GGT1: variants seen among roughly 807,000 people sequenced by gnomAD.
The protein encoded by GGT1 is glutathione hydrolase 1 proenzyme.
In GGT1, 21 loss-of-function variants were observed where a neutral mutation model predicts 56.0. The ratio of observed to expected loss-of-function variants is 0.38; its 90% CI spans 0.27 to 0.54. The LOEUF is 0.54. Ranked by LOEUF, GGT1 falls within the 20% of genes least tolerant of loss-of-function variation. The pLI is 0.82. For synonymous variants in GGT1, 238 were observed against 342.6 expected (o/e 0.69, Z 3.37); for missense variants, 466 against 787.0 (o/e 0.59, Z 4.88).
chr22:24,591,449 C>T (rs1191120396), upstream of GGT1, among the ~76,000 whole-genome samples: 1 of 152,208 alleles, frequency 6.6e-6, no homozygotes. Flanking sequence ...CTCTAGACCC[C>T]ATGTGGGCCT....
At chr22:24,590,342 G>C (rs1174841143), upstream of GGT1, among the ~76,000 whole-genome samples, 1 of 152,190 alleles carries the variant, frequency 6.6e-6, no homozygotes, top group African/African-American at 2.4e-5. Context: ...ATGTTGCCCA[G>C]ACTGGTCTCA....
upstream of GGT1, chr22:24,593,129 C>G: frequency 3.0e-6 from 3 of 1,005,840 alleles, no homozygotes; most frequent in Non-Finnish European, 3.6e-6. Context: ...CGCCTCCAAT[C>G]ACCGCGGCCC....
intron 1 of GGT1, chr22:24,607,627 C>G (rs1601664493): frequency 6.3e-6 from 1 of 159,792 alleles, no homozygotes; most frequent in Non-Finnish European, 1.4e-5. Flanking sequence ...ATCCTCCCAG[C>G]CAGGCTGGAC....
At chr22:24,626,462 C>A (rs2047775250) in intron 11 of GGT1, among the ~76,000 whole-genome samples, 1 of 145,590 alleles carries the variant, frequency 6.9e-6, no homozygotes, top group Admixed American at 6.9e-5. Context: ...CCATGTTCAT[C>A]TCTCAGCCCG....
upstream of GGT1, among the ~76,000 whole-genome samples, chr22:24,598,387 C>G (rs956318547): frequency 1.4e-5 from 2 of 145,626 alleles, no homozygotes; most frequent in African/African-American, 5.3e-5. Flanking sequence ...TTGCAGTGAG[C>G]CAAGATCACA....
the GGT1 span, chr22:24,585,821 A>G: frequency 2.0e-5 from 28 of 1,428,064 alleles, no homozygotes; most frequent in Non-Finnish European, 2.5e-5. Flanking sequence ...CTTGACCTTC[A>G]TCGCCCACTA....
In GGT1 at chr22:24,597,495, C is replaced by CA. The variant is rs1422764215; in HGVS notation, c.-324+2613dup. ...TTTGAGACCAGCCTGGCCAACATAG[C>CA]AAAACCCCATCTTCACTAAAAAATA... On this transcript the variant is annotated intron_variant, in intron 1 of 6. Transcript: ENST00000411974. Among the ~76,000 whole-genome samples, 6 of 152,126 alleles carry CA rather than the reference C, an allele frequency of 3.9e-5. No homozygotes were observed. In the East Asian group the frequency reaches 1.2e-3, roughly 29 times the overall value.
At chr22:24,615,678 G>C (rs1300939871) in intron 7 of GGT1, among the ~76,000 whole-genome samples, 1 of 152,158 alleles carries the variant, frequency 6.6e-6, no homozygotes, top group Non-Finnish European at 1.5e-5. Context: ...TAGAATGTGA[G>C]GTGGAGTCTC....
At chr22:24,615,153 G>C (rs147321651) in intron 7 of GGT1, 26 bp downstream of exon 7, 1 of 1,557,396 alleles carries the variant, frequency 6.4e-7, no homozygotes, top group African/African-American at 1.4e-5. Flanking sequence ...GACTTGGGGC[G>C]TGGGTGCAGA....
upstream of GGT1, among the ~76,000 whole-genome samples, chr22:24,592,007 C>T (rs1039724507): frequency 6.6e-6 from 1 of 152,228 alleles, no homozygotes; most frequent in Non-Finnish European, 1.5e-5. Flanking sequence ...GTGACCACTT[C>T]GCTCCATGCC....
intron 9 of GGT1, among the ~76,000 whole-genome samples, chr22:24,621,964 C>T (rs1359957055): frequency 1.3e-5 from 2 of 150,404 alleles, no homozygotes; most frequent in African/African-American, 4.9e-5. Flanking sequence ...CCAGGAGAAT[C>T]GCTAGAACCT....
At chr22:24,592,742 A>AG (rs1262176572), upstream of GGT1, 1 of 1,288,380 alleles carries the variant, frequency 7.8e-7, no homozygotes, top group Non-Finnish European at 9.9e-7. Context: ...GCCAGAGACC[A>AG]GCTCCGCCTC....
the GGT1 span, among the ~76,000 whole-genome samples, chr22:24,587,312 G>A: frequency 6.6e-6 from 1 of 152,188 alleles, no homozygotes; most frequent in East Asian, 1.9e-4. Context: ...TTCTCAGTTA[G>A]AAGGGAAGTT....
chr22:24,590,593 G>C (rs560966567), upstream of GGT1, among the ~76,000 whole-genome samples: 1 of 152,134 alleles, frequency 6.6e-6, no homozygotes, highest in Admixed American at 6.5e-5. Flanking sequence ...ATGGTGGGGG[G>C]GTTTGCTCTT....
chr22:24,593,820 G>A (rs1232755226), upstream of GGT1, among the ~76,000 whole-genome samples: 1 of 151,922 alleles, frequency 6.6e-6, no homozygotes, highest in African/African-American at 2.4e-5. Flanking sequence ...AGAAATCTCT[G>A]CAGCTGGCAG....
upstream of GGT1, among the ~76,000 whole-genome samples, chr22:24,591,572 GA>G (rs1482605623): frequency 6.6e-6 from 1 of 152,226 alleles, no homozygotes; most frequent in Non-Finnish European, 1.5e-5. Flanking sequence ...TATGGAGCAG[GA>G]TAGGCCCCGG....
rs535860497 is a variant in GGT1, at chr22:24,611,214, G to A, written c.133G>A (p.Ala45Thr). The change falls in exon 5 of 16, where the codon GCG (alanine) becomes ACG (threonine). Residue 45 changes from alanine (A) to threonine (T), a missense_variant. By Grantham distance (58) the Ala-to-Thr change is moderately conservative. Around this residue, in one of 2 missense-constraint regions of GGT1, gnomAD observed 456 missense variants for 716.7 expected, o/e 0.64. Coordinates refer to ENST00000400382, the MANE Select transcript of GGT1 (RefSeq NM_001288833.2). ...TGTGTACACCAGGGCTGCCGTGGCC[G>A]CGGATGCCAAGCAGTGCTCGAAGAT... Reference protein sequence around the residue: ...NHVYTRAAVAADAKQCSKIGR... With the variant: ...NHVYTRAAVATDAKQCSKIGR... The A allele has an allele frequency of 6.7e-5, 105 of 1,573,076 alleles. No homozygotes were observed. Among genetic ancestry groups the A allele is most frequent in the African/African-American group, 9.4e-5 (7 of 74,186 alleles).
At chr22:24,591,122 C>T (rs919929022), upstream of GGT1, among the ~76,000 whole-genome samples, 9 of 152,230 alleles carry the variant, frequency 5.9e-5, no homozygotes, top group East Asian at 1.3e-3. Context: ...TCTTGTTGCC[C>T]GGGCTGGGGC....
At chr22:24,588,067 C>T in the GGT1 span, 55 of 656,980 alleles carry the variant, frequency 8.4e-5, 1 homozygote, top group South Asian at 5.4e-4. Context: ...GCCAGGCTGA[C>T]TTCCAGGGTA....
Sources: allele counts gnomAD v4.1 joint callset (sites outside exome capture counted in the v4.1 genomes callset), GRCh38; gene constraint gnomAD v4.1.1; regional missense constraint gnomAD v4.1.1; transcripts MANE v1.5; gene names NCBI Gene and HGNC (gene_info 2026-07-23, HGNC 2026-07-21).